The following JAKMIP3 variants were observed in gnomAD, a reference collection of about 807,000 sequenced individuals.
JAKMIP3 encodes Janus kinase and microtubule interacting protein 3.
JAKMIP3 carries 58 observed loss-of-function variants against 118.5 expected under a neutral mutation model. The ratio of observed to expected loss-of-function variants is 0.49; its 90% CI spans 0.40 to 0.61. The LOEUF is 0.61. Ranked by LOEUF, JAKMIP3 falls within the 20% of genes least tolerant of loss-of-function variation. The pLI is 0.00. For synonymous variants in JAKMIP3, 486 were observed against 451.2 expected, an observed-to-expected ratio of 1.08 and a Z score of -0.98; for missense variants, 950 against 1,109.0, an observed-to-expected ratio of 0.86 and a Z score of 2.04.
intron 3 of JAKMIP3, among the ~76,000 whole-genome samples, chr10:132,125,231 G>A (rs909374888): frequency 6.6e-6 from 1 of 152,016 alleles, no homozygotes; most frequent in Admixed American, 6.5e-5. Context: ...TAATTCGTCC[G>A]AGTTCGGTTT....
intron 1 of JAKMIP3, among the ~76,000 whole-genome samples, chr10:132,098,732 C>A (rs1350618266): frequency 6.6e-6 from 1 of 152,220 alleles, no homozygotes; most frequent in Non-Finnish European, 1.5e-5. Flanking sequence ...CTGGTCTTTA[C>A]CGTGACCTCT....
chr10:132,082,472 TATG>T, intron 1 of JAKMIP3, among the ~76,000 whole-genome samples: 1 of 152,312 alleles, frequency 6.6e-6, no homozygotes, highest in South Asian at 2.1e-4. Context: ...AGTGAGAGCA[TATG>T]ATGTTTGGTT....
At chr10:132,167,894 C>G (rs76333635) in intron 22 of JAKMIP3, 59 bp from the exon 23 acceptor site, 33,059 of 1,253,622 alleles carry the variant, frequency 0.026, 2,057 homozygotes, top group South Asian at 0.16. Context: ...GGCCCTCGCC[C>G]CTCACTCCAG....
chr10:132,123,041 C>A (rs979484680), intron 3 of JAKMIP3, among the ~76,000 whole-genome samples: 18 of 152,216 alleles, frequency 1.2e-4, no homozygotes, highest in African/African-American at 4.1e-4. Context: ...AAATCCTCGT[C>A]TGCGCATGGC....
At chr10:132,146,677 GACAA>G (rs748952398) in intron 13 of JAKMIP3, among the ~76,000 whole-genome samples, 6 of 152,220 alleles carry the variant, frequency 3.9e-5, no homozygotes, top group South Asian at 4.1e-4. Context: ...CAGAGCTTCA[GACAA>G]ACAGAGGCGT....
rs2038033683 is a variant in JAKMIP3, at chr10:132,049,354, C to T, written c.-138+12616C>T. On this transcript the variant is annotated intron_variant, in intron 1 of 23. Coordinates refer to the JAKMIP3 transcript ENST00000657785. This position sits in a 1 kb window ranked among gnomAD's most constrained non-coding sequence, Gnocchi z 4.3. ...ACCTTCCACTTCCTCCTCTTTCTTG[C>T]TGACCTGTTACTTTTCTCTTTATGT... 1.3e-5 allele frequency among the ~76,000 whole-genome samples: 2 copies of T among 152,164 alleles called. No individual in the cohort carries two copies. Among genetic ancestry groups the T allele is most frequent in the Non-Finnish European group, 2.9e-5 (2 of 68,042 alleles).
intron 1 of JAKMIP3, among the ~76,000 whole-genome samples, chr10:132,096,253 T>C (rs530087689): frequency 1.3e-5 from 2 of 152,362 alleles, no homozygotes; most frequent in East Asian, 3.8e-4. Flanking sequence ...TTGGAAAACA[T>C]AACATGCTCA....
At chr10:132,139,981 G>A (rs2053152484) in intron 9 of JAKMIP3, among the ~76,000 whole-genome samples, 1 of 152,200 alleles carries the variant, frequency 6.6e-6, no homozygotes, top group South Asian at 2.1e-4. Flanking sequence ...GGTGAACCTG[G>A]AGGGTCCCCA....
rs972227448 is a variant in JAKMIP3 at position 132,184,007 on chromosome 10, C to G, written c.*2754C>G. On this transcript the variant is annotated 3_prime_UTR_variant, in exon 24 of 24. Coordinates refer to ENST00000684848, the MANE Select transcript of JAKMIP3 (RefSeq NM_001323087.2). ...AGGGGAAGTCTGTATGAATGCATCA[C>G]CCCCTAATAAGGCAAGAGGAAGGAC... 6.6e-6 allele frequency: 1 copy of G among 152,186 alleles called. No individual in the cohort carries two copies. Among genetic ancestry groups the G allele is most frequent in the African/African-American group, 2.4e-5 (1 of 41,428 alleles). The allele number at this position is 152,186 out of a possible 1,614,324, so 9.4% of individuals were successfully genotyped here. A position where few individuals can be genotyped will look rare whatever the true frequency, so the allele number is the denominator to read the frequency against.
chr10:132,159,543 T>TCTCTCCCTGTGTGATGCTGGGGGGGC (rs2057635729), intron 19 of JAKMIP3, among the ~76,000 whole-genome samples: 1 of 75,488 alleles, frequency 1.3e-5, no homozygotes, highest in Non-Finnish European at 2.5e-5. Context: ...GCTGGGAGGG[T>TCTCTCCCTGTGTGATGCTGGGGGGGC]CTCTCCCTGT....
chr10:132,067,975 T>G (rs1331439683), intron 1 of JAKMIP3, among the ~76,000 whole-genome samples: 1 of 150,948 alleles, frequency 6.6e-6, no homozygotes, highest in Non-Finnish European at 1.5e-5. Flanking sequence ...GTCTGGACTG[T>G]GAGCTTCCGT....
chr10:132,053,417 C>T (rs557236846), intron 1 of JAKMIP3, among the ~76,000 whole-genome samples: 1 of 152,338 alleles, frequency 6.6e-6, no homozygotes, highest in Non-Finnish European at 1.5e-5. Flanking sequence ...CAGACATGGT[C>T]TTTGTCTCTC....
At chr10:132,086,573 T>C (rs536728180) in intron 1 of JAKMIP3, among the ~76,000 whole-genome samples, 3 of 152,324 alleles carry the variant, frequency 2.0e-5, no homozygotes, top group Non-Finnish European at 4.4e-5. Context: ...AGGGTTGTGA[T>C]ATTTTCCTGT....
intron 2 of JAKMIP3, among the ~76,000 whole-genome samples, chr10:132,107,061 T>A (rs1397642295): frequency 1.5e-5 from 2 of 137,224 alleles, no homozygotes; most frequent in African/African-American, 3.0e-5. Context: ...TTTTTTTTTT[T>A]TTTTTAACTT....
chr10:132,139,899 AG>A (rs1437794139), intron 9 of JAKMIP3, among the ~76,000 whole-genome samples: 1 of 152,152 alleles, frequency 6.6e-6, no homozygotes, highest in African/African-American at 2.4e-5. Context: ...ACACTTCTGA[AG>A]GGGACCCAGA....
intron 1 of JAKMIP3, among the ~76,000 whole-genome samples, chr10:132,086,489 C>T (rs1176903048): frequency 3.3e-5 from 5 of 152,012 alleles, no homozygotes; most frequent in Non-Finnish European, 7.4e-5. Context: ...GTGTTGCTGT[C>T]TATTTCTTTT....
At position 132,101,409 on chromosome 10, in the gene JAKMIP3, G is replaced by A. The variant is rs146297365; in HGVS notation, c.-137-3263G>A. Among the ~76,000 whole-genome samples the A allele has an allele frequency of 8.0e-3, 1,212 of 152,270 alleles. 8 individuals carry two copies. The highest frequency in any genetic ancestry group is 0.014 in the Middle Eastern group (4 of 294). ...ATTAACTAAATGCTACGAACAGTGG[G>A]TTAATTAGAAATTAGCTCCTGGGAT... On this transcript the variant is annotated intron_variant, in intron 1 of 23. Coordinates refer to ENST00000684848, the MANE Select transcript of JAKMIP3 (RefSeq NM_001323087.2).
chr10:132,080,503 A>ATTT lies in JAKMIP3; in HGVS notation c.-138+14476_-138+14478dup, dbSNP rs201838731. ...TATTTTCTTGCTGTCAAGTTATAGG[A>ATTT]TTTTTTTTTTTTTTTTTTTTTTTTT... On this transcript the variant is annotated intron_variant, in intron 1 of 23. Coordinates refer to ENST00000684848, the MANE Select transcript of JAKMIP3 (RefSeq NM_001323087.2). 1.1e-3 allele frequency among the ~76,000 whole-genome samples: 67 copies of ATTT among 61,580 alleles called. 13 individuals carry two copies. The highest frequency in any genetic ancestry group is 2.3e-3 in the East Asian group (6 of 2,658). 40.4% of individuals were successfully genotyped at this position (61,580 alleles called of 152,430 possible). A position where few individuals can be genotyped will look rare whatever the true frequency, so the allele number is the denominator to read the frequency against.
chr10:132,139,966 G>A (rs779793779), intron 9 of JAKMIP3, among the ~76,000 whole-genome samples: 14 of 152,170 alleles, frequency 9.2e-5, no homozygotes, highest in Admixed American at 5.9e-4. Context: ...AGATGCAGAC[G>A]TCGGGGTGAA....
Sources: allele counts gnomAD v4.1 joint callset (sites outside exome capture counted in the v4.1 genomes callset), GRCh38; gene constraint gnomAD v4.1.1; non-coding constraint Gnocchi (gnomAD v3.1); transcripts MANE v1.5; gene names NCBI Gene and HGNC (gene_info 2026-07-23, HGNC 2026-07-21).